DNAH11: variants seen among roughly 807,000 people sequenced by gnomAD.
DNAH11 encodes the protein axonemal beta dynein heavy chain 11.
DNAH11 carries 442 observed loss-of-function variants against 526.0 expected under a neutral mutation model. The observed-to-expected ratio is 0.84, with a 90% CI of 0.78 to 0.91. The LOEUF (loss-of-function observed/expected upper bound fraction) is 0.91, where lower values mean the gene tolerates loss of function less well. Among genes scored for constraint, DNAH11 ranks in the 40% least tolerant of loss-of-function variants. The pLI is 0.00. For missense variants in DNAH11, 6,989 were observed against 5,448.7 expected (o/e 1.28, Z -8.90); for synonymous variants, 2,461 against 1,935.9 (o/e 1.27, Z -7.12).
chr7:21,605,419 T>C (rs1785243042), intron 18 of DNAH11, among the ~76,000 whole-genome samples: 1 of 152,204 alleles, frequency 6.6e-6, no homozygotes, highest in South Asian at 2.1e-4. Flanking sequence ...CATTGCTCCT[T>C]AAAGAAAATA....
intron 14 of DNAH11, 32 bp from the exon 15 acceptor site, chr7:21,599,755 A>G (rs747966234): frequency 1.4e-6 from 2 of 1,421,764 alleles, no homozygotes; most frequent in Non-Finnish European, 1.9e-6. Flanking sequence ...TTATTTGTTT[A>G]TATTCATCCA....
chr7:21,822,713 A>G (rs2390594), intron 65 of DNAH11, among the ~76,000 whole-genome samples: 45,444 of 152,084 alleles, frequency 0.3, 8,598 homozygotes, highest in Non-Finnish European at 0.43. Context: ...CATAGTGGCT[A>G]TACTAATTTA....
Position 21,601,628 on chromosome 7 carries a change from G to T in DNAH11, c.3648+10G>T. ...CTATATTCAGCTAGAGGTAAGTGCA[G>T]AGGTGAAATAATCATAATTACCATA... On this transcript the variant is annotated intron_variant, in intron 18 of 81. Coordinates refer to ENST00000409508, the MANE Select transcript of DNAH11 (RefSeq NM_001277115.2). The T allele has an allele frequency of 6.5e-6, 10 of 1,532,996 alleles. No homozygotes were observed. The highest frequency in any genetic ancestry group is 8.8e-6 in the Non-Finnish European group (10 of 1,136,772). The allele number at this position is 1,532,996 out of a possible 1,614,324, so 95.0% of individuals were successfully genotyped here. A position where few individuals can be genotyped will look rare whatever the true frequency, so the allele number is the denominator to read the frequency against.
chr7:21,615,010 G>A lies in DNAH11; in HGVS notation c.3853-104G>A, dbSNP rs1216633007. The A allele has an allele frequency of 1.8e-5, 23 of 1,294,528 alleles. 1 individual carries two copies. The highest frequency in any genetic ancestry group is 1.9e-4 in the Middle Eastern group (1 of 5,342). 80.2% of individuals were successfully genotyped at this position (1,294,528 alleles called of 1,614,324 possible). On this transcript the variant is annotated intron_variant, in intron 20 of 81. Transcript: ENST00000409508. ...GCTGCAGATTTATTTTTATTTTCCC[G>A]TTAAAAATCAAAGATTGAAATGTCG...
chr7:21,554,261 C>T (rs1448951152), intron 2 of DNAH11, among the ~76,000 whole-genome samples: 2 of 151,486 alleles, frequency 1.3e-5, no homozygotes, highest in Admixed American at 6.6e-5. Flanking sequence ...GCAACCTCCA[C>T]CTCCCAGGTT....
intron 76 of DNAH11, among the ~76,000 whole-genome samples, chr7:21,888,592 T>C (rs974765798): frequency 1.3e-5 from 2 of 152,042 alleles, no homozygotes; most frequent in African/African-American, 4.8e-5. Context: ...CAGATTCAAG[T>C]CATTCTCCTG....
chr7:21,621,575 A>G (rs531356704), intron 25 of DNAH11, among the ~76,000 whole-genome samples: 1 of 152,290 alleles, frequency 6.6e-6, no homozygotes, highest in Admixed American at 6.5e-5. Context: ...AATCCTCAGT[A>G]AAATACTGGC....
chr7:21,744,255 A>T (rs1786045253), intron 49 of DNAH11, among the ~76,000 whole-genome samples, 183 bp from the exon 50 acceptor site: 1 of 152,234 alleles, frequency 6.6e-6, no homozygotes, highest in Admixed American at 6.5e-5. Context: ...GCATACTAAA[A>T]TTTTAAAATA....
At chr7:21,584,190 A>C (rs1784408521) in intron 9 of DNAH11, among the ~76,000 whole-genome samples, 1 of 152,226 alleles carries the variant, frequency 6.6e-6, no homozygotes, top group Non-Finnish European at 1.5e-5. Context: ...AATGCCCATC[A>C]ATGATAGACT....
In DNAH11 at chr7:21,683,738, C is replaced by G. The variant is rs781204401; in HGVS notation, c.5461-46C>G. 4.1e-6 allele frequency: 6 copies of G among 1,478,778 alleles called. No homozygotes were observed. In the South Asian group the frequency reaches 8.0e-5, roughly 20 times the overall value. The allele number at this position is 1,478,778 out of a possible 1,614,324, so 91.6% of individuals were successfully genotyped here. On this transcript the variant is annotated intron_variant, in intron 31 of 81. Coordinates refer to ENST00000409508, the MANE Select transcript of DNAH11 (RefSeq NM_001277115.2). ...TTGATTAGATTAATAACTTGTTGCC[C>G]CAAACTACCAGTGTCCTGCGTATGA...
At chr7:21,873,822 A>G (rs2128038954) in intron 74 of DNAH11, among the ~76,000 whole-genome samples, 1 of 107,284 alleles carries the variant, frequency 9.3e-6, no homozygotes, top group Middle Eastern at 0.011. Flanking sequence ...ACGGAATCTC[A>G]CTTTGCCGCC....
intron 29 of DNAH11, among the ~76,000 whole-genome samples, chr7:21,657,421 G>T (rs1379731329): frequency 2.6e-5 from 4 of 152,164 alleles, no homozygotes; most frequent in Non-Finnish European, 5.9e-5. Flanking sequence ...GAAGGATCCA[G>T]CAAGCACCTC....
chr7:21,559,644 C>A lies in DNAH11; in HGVS notation c.734C>A (p.Ser245Tyr), dbSNP rs2128431193. Residue 245 changes from serine (S) to tyrosine (Y), a missense_variant, in exon 4 of 82, where the codon TCT (serine) becomes TAT (tyrosine). Physicochemically the swap from Ser to Tyr is moderately radical, Grantham distance 144. Transcript: ENST00000409508. Reference sequence around the variant, plus strand: ...AGGATAATACTTCATGCAATTGAATCTGTGGTTATTGAATGGTCACATCAA... The same window carrying A: ...AGGATAATACTTCATGCAATTGAATATGTGGTTATTGAATGGTCACATCAA... Reference protein sequence around the residue: ...NERIILHAIESVVIEWSHQIQ... With the variant: ...NERIILHAIEYVVIEWSHQIQ... 6.2e-7 allele frequency: 1 copy of A among 1,611,846 alleles called. No individual in the cohort carries two copies. The highest frequency in any genetic ancestry group is 8.5e-7 in the Non-Finnish European group (1 of 1,179,006).
intron 39 of DNAH11, 97 bp downstream of exon 39, chr7:21,705,634 C>T: frequency 2.6e-6 from 3 of 1,139,426 alleles, no homozygotes; most frequent in Non-Finnish European, 3.8e-6. Context: ...GAATTCCCCT[C>T]CATGAAGCCC....
intron 54 of DNAH11, among the ~76,000 whole-genome samples, chr7:21,754,989 A>T (rs1044021397): frequency 3.3e-4 from 50 of 152,156 alleles, no homozygotes; most frequent in African/African-American, 1.2e-3. Flanking sequence ...TGATGAGCTG[A>T]TATCTCCTTT....
Position 21,690,644 on chromosome 7 carries a change from A to G in DNAH11, c.5925-121A>G, listed in dbSNP as rs1203496092. Reference sequence around the variant, plus strand: ...ATATGTATGGGCTTATGAATTTTAAAGAAAATTACACAGAATAAACAGCTT... The same window carrying G: ...ATATGTATGGGCTTATGAATTTTAAGGAAAATTACACAGAATAAACAGCTT... On this transcript the variant is annotated intron_variant, in intron 34 of 81. Coordinates refer to ENST00000409508, the MANE Select transcript of DNAH11 (RefSeq NM_001277115.2). 1.0e-5 allele frequency: 7 copies of G among 698,414 alleles called. No homozygotes were observed. The African/African-American group carries it at 1.3e-4, about 13-fold the overall frequency. 43.3% of individuals were successfully genotyped at this position (698,414 alleles called of 1,614,324 possible). A position where few individuals can be genotyped will look rare whatever the true frequency, so the allele number is the denominator to read the frequency against.
chr7:21,740,367 C>G (rs895288618), intron 48 of DNAH11, among the ~76,000 whole-genome samples: 2 of 152,182 alleles, frequency 1.3e-5, no homozygotes, highest in African/African-American at 4.8e-5. Flanking sequence ...ACTCCACCCA[C>G]TGAGCTCCCC....
intron 63 of DNAH11, among the ~76,000 whole-genome samples, chr7:21,810,697 G>A (rs549894495): frequency 8.5e-5 from 13 of 152,248 alleles, no homozygotes; most frequent in Non-Finnish European, 1.6e-4. Context: ...AAGTCTAGGA[G>A]TAAAAAGAGA....
intron 29 of DNAH11, among the ~76,000 whole-genome samples, chr7:21,658,028 A>G (rs535949363): frequency 5.3e-5 from 8 of 152,256 alleles, no homozygotes; most frequent in East Asian, 3.9e-4. Context: ...ATTTGCAAAT[A>G]ATATATGTAT....
Sources: gnomAD v4.1 joint callset for allele counts (sites outside exome capture counted in the v4.1 genomes callset) on GRCh38, gnomAD v4.1.1 for gene constraint, MANE v1.5 for transcripts, NCBI Gene and HGNC (gene_info 2026-07-23, HGNC 2026-07-21) for gene names.